The following KCNIP4 variants were observed in gnomAD, a reference collection of about 807,000 sequenced individuals.
KCNIP4 encodes Kv channel-interacting protein 4.
In KCNIP4, 12 loss-of-function variants were observed where a neutral mutation model predicts 34.0. That is an observed-to-expected ratio of 0.35 (90% CI 0.23 to 0.57). The LOEUF is 0.57. Among genes scored for constraint, KCNIP4 ranks in the 20% least tolerant of loss-of-function variants. KCNIP4 has a pLI of 0.83. For synonymous variants in KCNIP4, 124 were observed against 102.2 expected, an observed-to-expected ratio of 1.21 and a Z score of -1.29; for missense variants, 238 against 311.7, an observed-to-expected ratio of 0.76 and a Z score of 1.78.
intron 1 of KCNIP4, among the ~76,000 whole-genome samples, chr4:21,480,978 T>C (rs1731379676): frequency 6.6e-6 from 1 of 152,002 alleles, no homozygotes; most frequent in Non-Finnish European, 1.5e-5. Context: ...CAAAAGAAAT[T>C]AAACAGAAAT....
intron 1 of KCNIP4, among the ~76,000 whole-genome samples, chr4:21,211,286 C>T (rs966792376): frequency 6.6e-6 from 1 of 152,106 alleles, no homozygotes; most frequent in African/African-American, 2.4e-5. Context: ...TGGAATAATT[C>T]TACCCTATGA....
intron 1 of KCNIP4, among the ~76,000 whole-genome samples, chr4:20,964,964 G>T (rs1734204875): frequency 6.6e-6 from 1 of 152,122 alleles, no homozygotes; most frequent in Admixed American, 6.6e-5. Context: ...AGGAAGAGGG[G>T]TAAATCTCTT....
At chr4:21,681,891 T>A (rs1313040139) in intron 1 of KCNIP4, among the ~76,000 whole-genome samples, 5 of 146,612 alleles carry the variant, frequency 3.4e-5, no homozygotes, top group Middle Eastern at 6.9e-3. Context: ...TTTATTTTTA[T>A]TTATTTATTT....
At chr4:21,089,943 C>T (rs926634532) in intron 1 of KCNIP4, among the ~76,000 whole-genome samples, 1 of 152,186 alleles carries the variant, frequency 6.6e-6, no homozygotes, top group Non-Finnish European at 1.5e-5. Flanking sequence ...GTCTTCCTGA[C>T]ATGGTTCCTA....
In KCNIP4 at chr4:21,389,168, TAG is replaced by T. The variant is rs564404619; in HGVS notation, c.62-506461_62-506460del. Among the ~76,000 whole-genome samples the T allele has an allele frequency of 2.0e-4, 31 of 151,944 alleles. No homozygotes were observed. In the East Asian group the frequency reaches 5.6e-3, roughly 28 times the overall value. On this transcript the variant is annotated intron_variant, in intron 1 of 8. Transcript: ENST00000382152. ...ACCTAACTAATTTTTTTTATAGAGA[TAG>T]GGGTTTCACCGTGTTGCCCAGGCAG...
chr4:21,322,605 T>A (rs1185434528), intron 1 of KCNIP4, among the ~76,000 whole-genome samples: 1 of 152,164 alleles, frequency 6.6e-6, no homozygotes, highest in Non-Finnish European at 1.5e-5. Context: ...ACCGGCCTTC[T>A]AAAGGAGTCC....
At chr4:21,550,326 A>G (rs1473444292) in intron 1 of KCNIP4, among the ~76,000 whole-genome samples, 1 of 152,058 alleles carries the variant, frequency 6.6e-6, no homozygotes, top group Non-Finnish European at 1.5e-5. Flanking sequence ...GTGCTTGAAA[A>G]CTTGATCAGT....
intron 1 of KCNIP4, among the ~76,000 whole-genome samples, chr4:21,932,202 C>A (rs914924768): frequency 1.3e-5 from 2 of 152,038 alleles, no homozygotes; most frequent in Non-Finnish European, 2.9e-5. Context: ...GAGTATTTTG[C>A]AGACAGAGAA....
chr4:21,265,837 A>T lies in KCNIP4; in HGVS notation c.62-383128T>A, dbSNP rs545434552. Among the ~76,000 whole-genome samples, 58 of 152,318 alleles carry T rather than the reference A, an allele frequency of 3.8e-4. 1 individual carries two copies. The South Asian group carries it at 0.012, about 32-fold the overall frequency. On this transcript the variant is annotated intron_variant, in intron 1 of 8. Transcript: ENST00000382152. ...AGCATCAATTTTTATGTTACCTGAGACACTGAAGAAACAATTACATATTTA... is the reference window on the plus strand; with the variant it reads ...AGCATCAATTTTTATGTTACCTGAGTCACTGAAGAAACAATTACATATTTA...
In KCNIP4 at chr4:21,707,482, G is replaced by T. The variant is rs151292006; in HGVS notation, c.61+241089C>A. Reference sequence around the variant, plus strand: ...CATGAGTGTTCAGAGGTAAGGAAAAGTGTTTATGACATATGTGTAGATTTT... The same window carrying T: ...CATGAGTGTTCAGAGGTAAGGAAAATTGTTTATGACATATGTGTAGATTTT... On this transcript the variant is annotated intron_variant, in intron 1 of 8. Coordinates refer to ENST00000382152, the MANE Select transcript of KCNIP4 (RefSeq NM_025221.6). 3.7e-3 allele frequency among the ~76,000 whole-genome samples: 561 copies of T among 152,212 alleles called. 13 individuals carry two copies. Among genetic ancestry groups the T allele is most frequent in the Non-Finnish European group, 3.5e-3 (235 of 68,008 alleles).
At chr4:21,183,469 GTT>G (rs3080812) in intron 1 of KCNIP4, among the ~76,000 whole-genome samples, 3 of 128,270 alleles carry the variant, frequency 2.3e-5, no homozygotes, top group Non-Finnish European at 5.1e-5. Context: ...TGTTGTTTTT[GTT>G]TTTTTTTTTT....
chr4:21,193,212 AT>A (rs1360714083), intron 1 of KCNIP4, among the ~76,000 whole-genome samples: 1 of 152,146 alleles, frequency 6.6e-6, no homozygotes, highest in Non-Finnish European at 1.5e-5. Context: ...GGCTGCAATT[AT>A]TCTGCTGATG....
chr4:21,204,100 T>C (rs1182452514), intron 1 of KCNIP4, among the ~76,000 whole-genome samples: 1 of 152,184 alleles, frequency 6.6e-6, no homozygotes, highest in Non-Finnish European at 1.5e-5. Context: ...TGAGGGCTAG[T>C]GGGCAGGAAT....
chr4:21,555,923 A>AGCTGTGTCTGTAGACACAGCTGTGC (rs1350329529), intron 1 of KCNIP4, among the ~76,000 whole-genome samples: 4 of 152,092 alleles, frequency 2.6e-5, no homozygotes, highest in Non-Finnish European at 5.9e-5. Context: ...ATGCTGTGCC[A>AGCTGTGTCTGTAGACACAGCTGTGC]GCTGTGTCTG....
chr4:21,158,904 A>C (rs1753366162), intron 1 of KCNIP4, among the ~76,000 whole-genome samples: 1 of 152,208 alleles, frequency 6.6e-6, no homozygotes, highest in African/African-American at 2.4e-5. Context: ...TAATAGAAAT[A>C]ATTGCATGCA....
At chr4:21,505,786 C>A (rs1733798421) in intron 1 of KCNIP4, among the ~76,000 whole-genome samples, 1 of 152,082 alleles carries the variant, frequency 6.6e-6, no homozygotes, top group African/African-American at 2.4e-5. Context: ...CTCACTAAAT[C>A]CATTTGAATC....
chr4:21,557,366 A>G (rs1359023657), intron 1 of KCNIP4, among the ~76,000 whole-genome samples: 1 of 152,174 alleles, frequency 6.6e-6, no homozygotes, highest in Non-Finnish European at 1.5e-5. Flanking sequence ...AGTAAAATAC[A>G]ATATTGGAAA....
At chr4:21,703,985 G>T (rs569388785) in intron 1 of KCNIP4, among the ~76,000 whole-genome samples, 10 of 152,244 alleles carry the variant, frequency 6.6e-5, no homozygotes, top group African/African-American at 2.4e-4. Flanking sequence ...TGAGCACATG[G>T]TTCAGTGGTA....
chr4:20,813,421 G>C (rs979727433), intron 3 of KCNIP4, among the ~76,000 whole-genome samples: 2 of 152,098 alleles, frequency 1.3e-5, no homozygotes, highest in Non-Finnish European at 2.9e-5. Context: ...TTTTATGAAG[G>C]AGCAAAATCA....
Sources: allele counts gnomAD v4.1 joint callset (sites outside exome capture counted in the v4.1 genomes callset), GRCh38; gene constraint gnomAD v4.1.1; transcripts MANE v1.5; gene names NCBI Gene and HGNC (gene_info 2026-07-23, HGNC 2026-07-21).